RORA: variants seen among roughly 807,000 people sequenced by gnomAD.
RORA encodes the protein RAR related orphan receptor A.
Under a neutral mutation model 69.5 loss-of-function variants are expected in RORA, and 7 were observed. That is an observed-to-expected ratio of 0.10 (90% CI 0.06 to 0.19). The LOEUF (loss-of-function observed/expected upper bound fraction) is 0.19. Ranked by LOEUF, RORA falls within the 10% of genes least tolerant of loss-of-function variation. The pLI is 1.00. For synonymous variants in RORA, 261 were observed against 240.8 expected, an observed-to-expected ratio of 1.08 and a Z score of -0.78; for missense variants, 457 against 663.0, an observed-to-expected ratio of 0.69 and a Z score of 3.41.
At chr15:60,955,246 G>C (rs1349300533) in intron 1 of RORA, among the ~76,000 whole-genome samples, 3 of 152,232 alleles carry the variant, frequency 2.0e-5, no homozygotes, top group African/African-American at 7.2e-5. Context: ...AGTTTGCAGT[G>C]AGCCGAGATT....
intron 2 of RORA, among the ~76,000 whole-genome samples, chr15:60,597,424 C>G (rs1167509853): frequency 1.4e-5 from 2 of 147,032 alleles, no homozygotes; most frequent in Non-Finnish European, 3.0e-5. Flanking sequence ...GGGAGAAATG[C>G]AAACCAAGGC....
At chr15:61,171,839 G>A (rs988060148) in intron 1 of RORA, among the ~76,000 whole-genome samples, 7 of 152,184 alleles carry the variant, frequency 4.6e-5, no homozygotes, top group Non-Finnish European at 8.8e-5. Context: ...GAGGCAGCTG[G>A]GGAGAGGAAC....
rs1039713097 is a variant in RORA, at chr15:60,497,190, A to C, written c.*265T>G. The C allele has an allele frequency of 2.9e-6, 1 of 347,994 alleles. No individual in the cohort carries two copies. The highest frequency in any genetic ancestry group is 4.3e-5 in the Admixed American group (1 of 23,144). 21.6% of individuals were successfully genotyped at this position (347,994 alleles called of 1,614,324 possible). A position where few individuals can be genotyped will look rare whatever the true frequency, so the allele number is the denominator to read the frequency against. ...ACTTTAGTACCCTCCTCCTGTTGTA[A>C]ACAGAGGTCAATGATCAAGAAGTCA... is the stretch of plus-strand genomic sequence containing the variant. On this transcript the variant is annotated 3_prime_UTR_variant, in exon 11 of 11. Coordinates refer to ENST00000335670, the MANE Select transcript of RORA (RefSeq NM_134261.3).
At chr15:60,794,282 T>G (rs1353408444) in intron 1 of RORA, among the ~76,000 whole-genome samples, 1 of 152,258 alleles carries the variant, frequency 6.6e-6, no homozygotes, top group East Asian at 1.9e-4. Context: ...CTGAATAATC[T>G]GCTGTTTCAC....
chr15:60,797,831 G>A (rs554892141), intron 1 of RORA, among the ~76,000 whole-genome samples: 4 of 152,230 alleles, frequency 2.6e-5, no homozygotes, highest in Admixed American at 1.3e-4. Flanking sequence ...ACAAGAGGCC[G>A]GTGAGGCTGC....
intron 1 of RORA, among the ~76,000 whole-genome samples, chr15:60,833,757 A>G (rs536315352): frequency 6.6e-6 from 1 of 152,334 alleles, no homozygotes; most frequent in Admixed American, 6.5e-5. Flanking sequence ...GTATCTCTGG[A>G]AAGGTTCTAA....
At chr15:61,109,897 A>T (rs1029512173) in intron 1 of RORA, among the ~76,000 whole-genome samples, 1 of 152,176 alleles carries the variant, frequency 6.6e-6, no homozygotes, top group Admixed American at 6.5e-5. Context: ...CCTGTGAGTG[A>T]TTTGTTATTA....
chr15:61,059,984 AAGAG>A (rs1236604325), intron 1 of RORA, among the ~76,000 whole-genome samples: 33 of 129,496 alleles, frequency 2.5e-4, no homozygotes, highest in African/African-American at 7.6e-4. Flanking sequence ...GAGGAAGAGG[AAGAG>A]GAAGAAGAAG....
chr15:61,086,243 A>T (rs1260720531), intron 1 of RORA, among the ~76,000 whole-genome samples: 1 of 152,248 alleles, frequency 6.6e-6, no homozygotes, highest in Admixed American at 6.5e-5. Flanking sequence ...TCACAGAGTT[A>T]TCTGGCCTGG....
intron 1 of RORA, among the ~76,000 whole-genome samples, chr15:60,866,699 G>A (rs2073491333): frequency 6.6e-6 from 1 of 152,200 alleles, no homozygotes; most frequent in Non-Finnish European, 1.5e-5. Flanking sequence ...CAAAAGGACA[G>A]GGTTCAGGGA....
Position 60,506,986 on chromosome 15 carries a change from T to TA in RORA, c.821-1358dup, listed in dbSNP as rs201765139. ...TGGGCAATAGAGCGAGACTCCCTCT[T>TA]AAAAAAAAAAAAAGAAAATTATATC... On this transcript the variant is annotated intron_variant, in intron 5 of 10. Coordinates refer to ENST00000335670, the MANE Select transcript of RORA (RefSeq NM_134261.3). Among the ~76,000 whole-genome samples, 1,307 of 140,886 alleles carry TA rather than the reference T, an allele frequency of 9.3e-3. 12 individuals are homozygous for TA. Among genetic ancestry groups the TA allele is most frequent in the African/African-American group, 0.028 (1,084 of 38,388 alleles). The allele number at this position is 140,886 out of a possible 152,430, so 92.4% of individuals were successfully genotyped here.
chr15:61,189,748 TCAGGAGGCTGAGG>T (rs1340761923), intron 1 of RORA, among the ~76,000 whole-genome samples: 2 of 146,802 alleles, frequency 1.4e-5, no homozygotes, highest in African/African-American at 5.0e-5. Context: ...TCCCAGCTGC[TCAGGAGGCTGAGG>T]CAGGAGAATG....
At chr15:60,802,274 A>G (rs1390965714) in intron 1 of RORA, among the ~76,000 whole-genome samples, 1 of 152,166 alleles carries the variant, frequency 6.6e-6, no homozygotes. Context: ...GCAATTCCCA[A>G]CTCATGGGTT....
intron 1 of RORA, among the ~76,000 whole-genome samples, chr15:60,814,514 A>G (rs2072783545): frequency 6.6e-6 from 1 of 152,174 alleles, no homozygotes; most frequent in Non-Finnish European, 1.5e-5. Context: ...AAGAGAGAGC[A>G]CAGCTTCCTA....
At chr15:60,988,700 T>C (rs1367683912) in intron 1 of RORA, among the ~76,000 whole-genome samples, 1 of 152,128 alleles carries the variant, frequency 6.6e-6, no homozygotes, top group East Asian at 1.9e-4. Flanking sequence ...CCAAAGACTC[T>C]ATGATGTTTA....
chr15:60,655,486 A>G (rs2070207441), intron 2 of RORA, among the ~76,000 whole-genome samples: 1 of 152,206 alleles, frequency 6.6e-6, no homozygotes, highest in Admixed American at 6.6e-5. Context: ...CCAGGGGGAC[A>G]AGCAGGAAGG....
Position 61,098,038 on chromosome 15 carries a change from TTTCCTTCCTTCCTTCCTTCCTTAATCC to T in RORA, c.166+130988_166+131014del, listed in dbSNP as rs1166724093. Among the ~76,000 whole-genome samples, 32 of 151,772 alleles carry T rather than the reference TTTCCTTCCTTCCTTCCTTCCTTAATCC, an allele frequency of 2.1e-4. No homozygotes were observed. The South Asian group carries it at 6.2e-3, about 30-fold the overall frequency. ...CTATCTCTCCATCTTTCCTTCCATC[TTTCCTTCCTTCCTTCCTTCCTTAATCC>T]TTCCTTCCTTCCCTCCTTCTCCCCC... On this transcript the variant is annotated intron_variant, in intron 1 of 10. Transcript: ENST00000335670.
intron 1 of RORA, among the ~76,000 whole-genome samples, chr15:60,834,098 T>G (rs1026764420): frequency 6.6e-6 from 1 of 152,200 alleles, no homozygotes; most frequent in Middle Eastern, 3.4e-3. Context: ...CTTTGTACAA[T>G]GGATGAGGAA....
At chr15:61,121,657 G>A (rs2079105786) in intron 1 of RORA, among the ~76,000 whole-genome samples, 1 of 152,096 alleles carries the variant, frequency 6.6e-6, no homozygotes, top group Non-Finnish European at 1.5e-5. Context: ...CGCTGGAGCT[G>A]CCTGCAATCC....
Sources: allele counts gnomAD v4.1 joint callset (sites outside exome capture counted in the v4.1 genomes callset), GRCh38; gene constraint gnomAD v4.1.1; transcripts MANE v1.5; gene names NCBI Gene and HGNC (gene_info 2026-07-23, HGNC 2026-07-21).